DCDC2C: variants seen among roughly 807,000 people sequenced by gnomAD.
The protein encoded by DCDC2C is doublecortin domain-containing protein 2C.
Under a neutral mutation model 45.0 loss-of-function variants are expected in DCDC2C, and 44 were observed. That is an observed-to-expected ratio of 0.98 (90% CI 0.77 to 1.26). The LOEUF (loss-of-function observed/expected upper bound fraction) is 1.26, where lower values mean the gene tolerates loss of function less well. Among genes scored for constraint, DCDC2C ranks in the 50% most tolerant of loss-of-function variants. The pLI is 0.00. For missense variants in DCDC2C, 447 were observed against 468.9 expected (o/e 0.95, Z 0.43); for synonymous variants, 187 against 178.8 (o/e 1.05, Z -0.37).
chr2:3,712,705 G>C (rs933432281), intron 2 of DCDC2C, among the ~76,000 whole-genome samples: 1 of 152,102 alleles, frequency 6.6e-6, no homozygotes, highest in African/African-American at 2.4e-5. Flanking sequence ...GCTTTGGTGA[G>C]ATGCCAAGTG....
chr2:3,840,721 T>G (rs935022533), intron 10 of DCDC2C, among the ~76,000 whole-genome samples: 1 of 152,046 alleles, frequency 6.6e-6, no homozygotes, highest in Non-Finnish European at 1.5e-5. Context: ...TCAGCAAGAG[T>G]AAAAAAGTGG....
At chr2:3,718,514 G>A (rs1668406021) in intron 2 of DCDC2C, among the ~76,000 whole-genome samples, 1 of 152,204 alleles carries the variant, frequency 6.6e-6, no homozygotes, top group South Asian at 2.1e-4. Flanking sequence ...CCAGACCCCA[G>A]GTTGGTCCCA....
intron 10 of DCDC2C, among the ~76,000 whole-genome samples, chr2:3,793,343 A>G (rs1670872753): frequency 6.6e-6 from 1 of 152,188 alleles, no homozygotes; most frequent in Non-Finnish European, 1.5e-5. Flanking sequence ...GCTCCTAAAC[A>G]TCCTTCAGTG....
chr2:3,748,157 G>T (rs1179191226), intron 4 of DCDC2C, among the ~76,000 whole-genome samples: 1 of 152,088 alleles, frequency 6.6e-6, no homozygotes. Flanking sequence ...TAGTGAGTGT[G>T]GTGGGAATCC....
chr2:3,720,241 G>C (rs1318520724), intron 2 of DCDC2C, among the ~76,000 whole-genome samples: 1 of 152,228 alleles, frequency 6.6e-6, no homozygotes, highest in Non-Finnish European at 1.5e-5. Context: ...GTAAGGGTCT[G>C]TGAGGACGTA....
intron 5 of DCDC2C, among the ~76,000 whole-genome samples, chr2:3,753,904 C>A (rs868146901): frequency 2.6e-5 from 4 of 152,164 alleles, no homozygotes; most frequent in Admixed American, 2.0e-4. Context: ...CACCTGTATG[C>A]CTGGCACACA....
intron 10 of DCDC2C, among the ~76,000 whole-genome samples, chr2:3,814,145 C>T (rs1671494695): frequency 6.6e-6 from 1 of 152,166 alleles, no homozygotes; most frequent in African/African-American, 2.4e-5. Context: ...TTCCCCACCT[C>T]CTTTTGGTAC....
At chr2:3,755,980 G>C (rs1315679975) in intron 6 of DCDC2C, among the ~76,000 whole-genome samples, 2 of 151,872 alleles carry the variant, frequency 1.3e-5, no homozygotes, top group African/African-American at 4.8e-5. Context: ...ATGCATACAT[G>C]GGTATTCATA....
chr2:3,819,911 G>C (rs983962372), intron 10 of DCDC2C, among the ~76,000 whole-genome samples: 3 of 152,168 alleles, frequency 2.0e-5, no homozygotes, highest in Non-Finnish European at 2.9e-5. Flanking sequence ...ATTATAGGGT[G>C]GGGGAGCAGA....
At chr2:3,719,025 C>T (rs1357411222) in intron 2 of DCDC2C, among the ~76,000 whole-genome samples, 1 of 152,080 alleles carries the variant, frequency 6.6e-6, no homozygotes, top group African/African-American at 2.4e-5. Context: ...CCAGGAAGTC[C>T]AGCTGGCTTC....
At chr2:3,806,591 G>A (rs540615105) in intron 10 of DCDC2C, among the ~76,000 whole-genome samples, 2 of 151,252 alleles carry the variant, frequency 1.3e-5, no homozygotes, top group Non-Finnish European at 2.9e-5. Context: ...CATCCAGGCT[G>A]GAGTGCAATG....
chr2:3,806,439 G>A (rs549871865), intron 10 of DCDC2C, among the ~76,000 whole-genome samples: 15 of 152,140 alleles, frequency 9.9e-5, no homozygotes, highest in East Asian at 7.7e-4. Context: ...GAGTGCCCGC[G>A]TTGTATGAGA....
chr2:3,754,985 C>T (rs780414526), intron 6 of DCDC2C, among the ~76,000 whole-genome samples: 48 of 151,992 alleles, frequency 3.2e-4, no homozygotes, highest in South Asian at 2.1e-4. Flanking sequence ...TGGGCTCTGG[C>T]GGGGGGTGGG....
chr2:3,830,157 G>C (rs17018121), intron 10 of DCDC2C, among the ~76,000 whole-genome samples: 1 of 152,110 alleles, frequency 6.6e-6, no homozygotes. Context: ...ATGTTTGCTT[G>C]GTGGTTCAGG....
At chr2:3,728,204 G>T (rs78512677) in intron 3 of DCDC2C, among the ~76,000 whole-genome samples, 29,941 of 152,156 alleles carry the variant, frequency 0.2, 3,559 homozygotes, top group Non-Finnish European at 0.26. Context: ...GGCTGGGAAC[G>T]AGAAAGAGGA....
At chr2:3,735,691 T>A (rs1014926221) in intron 3 of DCDC2C, among the ~76,000 whole-genome samples, 1 of 152,098 alleles carries the variant, frequency 6.6e-6, no homozygotes, top group African/African-American at 2.4e-5. Flanking sequence ...GGAATTTTCA[T>A]GGTAGGGAAT....
At chr2:3,704,960 T>C (rs1668026656) in intron 1 of DCDC2C, among the ~76,000 whole-genome samples, 1 of 152,278 alleles carries the variant, frequency 6.6e-6, no homozygotes, top group South Asian at 2.1e-4. Context: ...ATTCTCTGTT[T>C]CCTTGTAGGT....
intron 3 of DCDC2C, among the ~76,000 whole-genome samples, chr2:3,728,761 C>T (rs1203386229): frequency 6.6e-6 from 1 of 151,838 alleles, no homozygotes; most frequent in Non-Finnish European, 1.5e-5. Context: ...CTTAGATGCT[C>T]AGGAGAGAAA....
At chr2:3,831,413 C>A (rs1014299248) in intron 10 of DCDC2C, among the ~76,000 whole-genome samples, 23 of 152,310 alleles carry the variant, frequency 1.5e-4, no homozygotes, top group African/African-American at 5.1e-4. Flanking sequence ...GCCCAGACTG[C>A]AAACCTGTAC....
Sources: allele counts gnomAD v4.1 joint callset (sites outside exome capture counted in the v4.1 genomes callset), GRCh38; gene constraint gnomAD v4.1.1; transcripts MANE v1.5; gene names NCBI Gene and HGNC (gene_info 2026-07-23, HGNC 2026-07-21).